KSR1: variants seen among roughly 807,000 people sequenced by gnomAD.
KSR1 encodes kinase suppressor of ras 1.
KSR1 carries 35 observed loss-of-function variants against 92.9 expected under a neutral mutation model. That is an observed-to-expected ratio of 0.38 (90% CI 0.29 to 0.50). The LOEUF is 0.50. Ranked by LOEUF, KSR1 falls within the 20% of genes least tolerant of loss-of-function variation. The probability of loss-of-function intolerance (pLI) is 0.94; values close to 1 mark genes in which losing one functional copy is unlikely to be tolerated. For synonymous variants in KSR1, 467 were observed against 472.6 expected, an observed-to-expected ratio of 0.99 and a Z score of 0.15; for missense variants, 972 against 1,158.5, an observed-to-expected ratio of 0.84 and a Z score of 2.34.
intron 6 of KSR1, among the ~76,000 whole-genome samples, chr17:27,589,869 C>CG (rs1156885405): frequency 6.6e-6 from 1 of 152,208 alleles, no homozygotes; most frequent in Non-Finnish European, 1.5e-5. Context: ...ACTCCTCAAC[C>CG]CCCTCTTTAA....
At chr17:27,609,951 T>C in intron 16 of KSR1, 116 bp from the exon 17 acceptor site, 1 of 1,330,988 alleles carries the variant, frequency 7.5e-7, no homozygotes. Flanking sequence ...GGTCTGGGTG[T>C]GTTTTCTAAG....
At chr17:27,472,717 T>C (rs1222069477) in intron 1 of KSR1, among the ~76,000 whole-genome samples, 3 of 152,130 alleles carry the variant, frequency 2.0e-5, no homozygotes, top group African/African-American at 7.2e-5. Flanking sequence ...GCAGGAGAAT[T>C]GCTTGAACCT....
intron 2 of KSR1, among the ~76,000 whole-genome samples, chr17:27,569,102 G>A (rs2072202769): frequency 6.6e-6 from 1 of 152,076 alleles, no homozygotes; most frequent in African/African-American, 2.4e-5. Context: ...TTCTAGTGTG[G>A]GATCTTGTGG....
chr17:27,508,709 T>TA (rs1555572322), intron 1 of KSR1, among the ~76,000 whole-genome samples: 2 of 138,330 alleles, frequency 1.4e-5, no homozygotes, highest in South Asian at 4.9e-4. Context: ...CCTGAATTTT[T>TA]TTTATTTATT....
rs568484441 is a variant in KSR1 at position 27,520,868 on chromosome 17, C to T, written c.232-29700C>T. 3.9e-5 allele frequency among the ~76,000 whole-genome samples: 6 copies of T among 152,352 alleles called. No homozygotes were observed. The South Asian group carries it at 1.0e-3, about 26-fold the overall frequency. ...GCTGAAAGCAGGTAGCTGGAGGATG[C>T]GGGAGACGTGTGATTCCCTGTTTGC... On this transcript the variant is annotated intron_variant, in intron 1 of 20. Transcript: ENST00000644974.
chr17:27,616,277 AGTGAGCCTACATTTCTCTTACCTT>A (rs2074052425), intron 18 of KSR1, among the ~76,000 whole-genome samples: 1 of 152,190 alleles, frequency 6.6e-6, no homozygotes, highest in Non-Finnish European at 1.5e-5. Context: ...GGTTCTTCTT[AGTGAGCCTACATTTCTCTTACCTT>A]CTTTTGTATT....
intron 1 of KSR1, chr17:27,526,483 A>T: frequency 6.3e-7 from 1 of 1,598,624 alleles, no homozygotes; most frequent in Non-Finnish European, 8.6e-7. Context: ...CTCTTTATTG[A>T]GAACTTCATT....
intron 19 of KSR1, 49 bp from the exon 20 acceptor site, chr17:27,621,144 G>A (rs1242091562): frequency 3.5e-5 from 14 of 398,604 alleles, no homozygotes; most frequent in East Asian, 7.1e-5. Flanking sequence ...TGCCGGGGCC[G>A]GACTGCGCTC....
At chr17:27,492,107 T>A (rs1056305321) in intron 1 of KSR1, among the ~76,000 whole-genome samples, 1 of 152,046 alleles carries the variant, frequency 6.6e-6, no homozygotes, top group Non-Finnish European at 1.5e-5. Flanking sequence ...AGCAGATTAG[T>A]TGCACGTTGG....
At position 27,559,177 on chromosome 17, in the gene KSR1, C is replaced by T. The variant is rs368318114; in HGVS notation, c.372+8469C>T. On this transcript the variant is annotated intron_variant, in intron 2 of 20. Transcript: ENST00000644974. The surrounding 1 kb of genome is among the most constrained non-coding windows in gnomAD (Gnocchi z 4.2). ...TAGACATGGATGTGGTCACACAGTA[C>T]GGCAGCTGCATTTCCAGGTTCCTGG... 5.1e-4 allele frequency among the ~76,000 whole-genome samples: 77 copies of T among 152,356 alleles called. No homozygotes were observed. The highest frequency in any genetic ancestry group is 1.7e-3 in the African/African-American group (69 of 41,590).
intron 1 of KSR1, among the ~76,000 whole-genome samples, chr17:27,507,983 A>G (rs926265895): frequency 1.3e-5 from 2 of 152,188 alleles, no homozygotes; most frequent in South Asian, 2.1e-4. Context: ...AGAAGGGGCT[A>G]TCTTGGCTTC....
intron 11 of KSR1, among the ~76,000 whole-genome samples, chr17:27,602,117 T>C (rs1030725605): frequency 3.3e-5 from 5 of 150,648 alleles, no homozygotes; most frequent in African/African-American, 1.2e-4. Context: ...CTGTAGCTGT[T>C]TTTTTTTTGG....
intron 2 of KSR1, 29 bp downstream of exon 2, chr17:27,550,737 T>C (rs775750952): frequency 2.7e-6 from 2 of 754,668 alleles, no homozygotes; most frequent in Non-Finnish European, 4.9e-6. Context: ...AGCATAGGGA[T>C]AGGCATGAGG....
intron 1 of KSR1, among the ~76,000 whole-genome samples, chr17:27,495,155 TA>T (rs2068943444): frequency 6.6e-6 from 1 of 152,192 alleles, no homozygotes; most frequent in African/African-American, 2.4e-5. Context: ...GACTTGATTT[TA>T]GCAGGACAGG....
chr17:27,529,679 G>A (rs1329553694), intron 1 of KSR1, among the ~76,000 whole-genome samples: 2 of 152,214 alleles, frequency 1.3e-5, no homozygotes. Context: ...TTTCCTTTGA[G>A]ATAAACATGT....
At chr17:27,550,467 C>T (rs1360275072) in intron 1 of KSR1, 101 bp from the exon 2 acceptor site, 24 of 711,414 alleles carry the variant, frequency 3.4e-5, no homozygotes, top group Non-Finnish European at 5.2e-5. Flanking sequence ...TCCCTCATCA[C>T]ATTGCTTGTG....
chr17:27,604,548 C>T (rs1375794362), intron 12 of KSR1, 132 bp from the exon 13 acceptor site: 15 of 826,696 alleles, frequency 1.8e-5, no homozygotes, highest in Non-Finnish European at 3.0e-5. Context: ...ATGCTATCCA[C>T]GCGGCCTTTC....
At chr17:27,578,096 G>A (rs1038051048) in intron 3 of KSR1, 11 of 244,048 alleles carry the variant, frequency 4.5e-5, no homozygotes, top group Non-Finnish European at 7.4e-5. Context: ...CTGGGAGTGT[G>A]TACGTGGCTG....
intron 1 of KSR1, among the ~76,000 whole-genome samples, chr17:27,476,137 A>G (rs1267241845): frequency 6.6e-6 from 1 of 152,200 alleles, no homozygotes; most frequent in East Asian, 1.9e-4. Context: ...AGTGGACTGG[A>G]CTGCACGGCT....
Sources: gnomAD v4.1 joint callset for allele counts (sites outside exome capture counted in the v4.1 genomes callset) on GRCh38, gnomAD v4.1.1 for gene constraint, Gnocchi (gnomAD v3.1) non-coding constraint, MANE v1.5 for transcripts, NCBI Gene and HGNC (gene_info 2026-07-23, HGNC 2026-07-21) for gene names.